Variants in CLNK observed in about 807,000 individuals in gnomAD.
CLNK encodes cytokine dependent hematopoietic cell linker, also known as cytokine-dependent hematopoietic cell linker.
CLNK carries 74 observed loss-of-function variants against 68.6 expected under a neutral mutation model. The ratio of observed to expected loss-of-function variants is 1.08; its 90% CI spans 0.89 to 1.31. The LOEUF is 1.31. Ranked by LOEUF, CLNK falls within the 50% of genes most tolerant of loss-of-function variation. The pLI is 0.00. For missense variants in CLNK, 553 were observed against 515.3 expected (o/e 1.07, Z -0.71); for synonymous variants, 198 against 172.2 (o/e 1.15, Z -1.17).
chr4:10,518,824 C>T (rs565012769), intron 15 of CLNK, among the ~76,000 whole-genome samples: 180 of 152,324 alleles, frequency 1.2e-3, no homozygotes, highest in Middle Eastern at 3.4e-3. Flanking sequence ...AATGCCCATA[C>T]CTGATGCATT....
chr4:10,511,423 A>G (rs1485674274), intron 16 of CLNK, among the ~76,000 whole-genome samples: 7 of 152,208 alleles, frequency 4.6e-5, no homozygotes, highest in Non-Finnish European at 7.3e-5. Context: ...CATTAAGTAC[A>G]TTCACATTGC....
intron 14 of CLNK, among the ~76,000 whole-genome samples, chr4:10,524,754 G>A (rs1204020459): frequency 6.6e-6 from 1 of 152,144 alleles, no homozygotes; most frequent in Non-Finnish European, 1.5e-5. Context: ...TAAGCTTTAA[G>A]CTGGGGTTCC....
At chr4:10,696,285 A>G in the CLNK span, among the ~76,000 whole-genome samples, 1 of 151,902 alleles carries the variant, frequency 6.6e-6, no homozygotes, top group African/African-American at 2.4e-5. Context: ...ATCTGTTTAG[A>G]CCTAGCTCTG....
intron 2 of CLNK, among the ~76,000 whole-genome samples, chr4:10,632,725 A>G (rs1320303085): frequency 1.3e-5 from 2 of 152,228 alleles, no homozygotes; most frequent in African/African-American, 4.8e-5. Context: ...ATCATGCCAC[A>G]CACCCATGTT....
chr4:10,524,018 AAAAG>A lies in CLNK; in HGVS notation c.731+1819_731+1822del, dbSNP rs201317936. On this transcript the variant is annotated intron_variant, in intron 14 of 18. Transcript: ENST00000226951. ...ACAGAATAAAACCCTGTCTCAAAGA[AAAAG>A]AAAGAAAGAAAGGAAGAAAGGAAGG... is the stretch of plus-strand genomic sequence containing the variant. 395 of 240,166 alleles carry A rather than the reference AAAAG, an allele frequency of 1.6e-3. 6 individuals are homozygous for A. The highest frequency in any genetic ancestry group is 0.016 in the Admixed American group (302 of 19,230). The allele number at this position is 240,166 out of a possible 1,614,324, so 14.9% of individuals were successfully genotyped here. A position where few individuals can be genotyped will look rare whatever the true frequency, so the allele number is the denominator to read the frequency against.
chr4:10,564,817 G>T, intron 6 of CLNK, 40 bp from the exon 7 acceptor site: 2 of 1,177,376 alleles, frequency 1.7e-6, no homozygotes, highest in South Asian at 1.2e-5. Context: ...ACCTTACGTG[G>T]ACTCAGCACA....
chr4:10,643,577 G>T lies in CLNK; in HGVS notation c.11+24282C>A, dbSNP rs6821453. 6.1e-3 allele frequency among the ~76,000 whole-genome samples: 936 copies of T among 152,326 alleles called. 19 individuals are homozygous for T. In the East Asian group the frequency reaches 0.062, roughly 10 times the overall value. ...CACTGGGAAGAAGATATGCAGCCAC[G>T]CTCAGGCGCATAATAACAGAGGATT... On this transcript the variant is annotated intron_variant, in intron 2 of 18. Transcript: ENST00000226951.
intron 3 of CLNK, among the ~76,000 whole-genome samples, chr4:10,593,052 T>C (rs1000122004): frequency 1.3e-5 from 2 of 152,104 alleles, no homozygotes; most frequent in African/African-American, 2.4e-5. Flanking sequence ...TAGGAGCCCT[T>C]TGAGGACAAC....
intron 2 of CLNK, among the ~76,000 whole-genome samples, chr4:10,601,516 T>A (rs1423755306): frequency 6.6e-6 from 1 of 152,176 alleles, no homozygotes; most frequent in East Asian, 1.9e-4. Context: ...TTAGAGAAAC[T>A]TTTAAAAATA....
At chr4:10,663,817 T>C (rs925797745) in intron 2 of CLNK, among the ~76,000 whole-genome samples, 1 of 152,206 alleles carries the variant, frequency 6.6e-6, no homozygotes, top group Non-Finnish European at 1.5e-5. Context: ...CTTTGGGGGC[T>C]GATTAGGCCA....
In CLNK at chr4:10,564,578, A is replaced by G. The variant is rs925146803; in HGVS notation, c.399+93T>C. ...GAGCTTGACCTGCTCTTTCCCTAAT[A>G]AGATGGCCTGGGGGACAGGAGATGG... On this transcript the variant is annotated intron_variant, in intron 7 of 18. Transcript: ENST00000226951. The G allele has an allele frequency of 9.4e-6, 8 of 849,712 alleles. No homozygotes were observed. The Admixed American group carries it at 1.2e-4, about 13-fold the overall frequency. The allele number at this position is 849,712 out of a possible 1,614,324, so 52.6% of individuals were successfully genotyped here. A position where few individuals can be genotyped will look rare whatever the true frequency, so the allele number is the denominator to read the frequency against.
chr4:10,501,027 C>CT (rs1717021379), intron 18 of CLNK, among the ~76,000 whole-genome samples: 1 of 152,220 alleles, frequency 6.6e-6, no homozygotes, highest in African/African-American at 2.4e-5. Flanking sequence ...AATGAGTTTT[C>CT]TTTAACAGGC....
the CLNK span, among the ~76,000 whole-genome samples, chr4:10,723,607 C>A: frequency 1.3e-5 from 2 of 152,040 alleles, no homozygotes; most frequent in Non-Finnish European, 2.9e-5. Context: ...TATGGGAAAT[C>A]ATTTTTGCGT....
At chr4:10,620,946 C>CAAAA (rs3030347) in intron 2 of CLNK, among the ~76,000 whole-genome samples, 353 of 143,766 alleles carry the variant, frequency 2.5e-3, no homozygotes, top group East Asian at 0.013. Flanking sequence ...ACTAAAAATA[C>CAAAA]AAAAAAAAAA....
intron 18 of CLNK, among the ~76,000 whole-genome samples, chr4:10,498,972 C>G (rs74414931): frequency 6.9e-6 from 1 of 145,954 alleles, no homozygotes; most frequent in African/African-American, 2.5e-5. Context: ...ATTGTACCCC[C>G]CCCCCCCCAA....
intron 5 of CLNK, 75 bp from the exon 6 acceptor site, chr4:10,566,225 G>T: frequency 1.4e-6 from 2 of 1,434,090 alleles, no homozygotes; most frequent in Admixed American, 1.9e-5. Flanking sequence ...GTGCTGGCTA[G>T]AGAAATGGGG....
intron 12 of CLNK, among the ~76,000 whole-genome samples, chr4:10,531,946 T>C (rs1177734708): frequency 1.3e-5 from 2 of 152,250 alleles, no homozygotes; most frequent in African/African-American, 4.8e-5. Context: ...ACTTGATTTC[T>C]GTAATGCTGA....
At chr4:10,566,231 T>C (rs1577133849) in intron 5 of CLNK, 81 bp from the exon 6 acceptor site, 10 of 1,394,988 alleles carry the variant, frequency 7.2e-6, no homozygotes, top group Non-Finnish European at 9.8e-6. Context: ...GCTAGAGAAA[T>C]GGGGTAGACC....
At chr4:10,542,189 C>A in intron 9 of CLNK, 66 bp downstream of exon 9, 1 of 1,205,274 alleles carries the variant, frequency 8.3e-7, no homozygotes, top group East Asian at 2.5e-5. Flanking sequence ...GTTTTTGCAT[C>A]ATCTATATCT....
Sources: allele counts gnomAD v4.1 joint callset (sites outside exome capture counted in the v4.1 genomes callset), GRCh38; gene constraint gnomAD v4.1.1; transcripts MANE v1.5; gene names NCBI Gene and HGNC (gene_info 2026-07-23, HGNC 2026-07-21).